CAP1: variants seen among roughly 807,000 people sequenced by gnomAD.
CAP1 encodes the protein cyclase associated actin cytoskeleton regulatory protein 1.
In CAP1, 11 loss-of-function variants were observed where a neutral mutation model predicts 58.2. That is an observed-to-expected ratio of 0.19 (90% CI 0.12 to 0.31). The LOEUF (loss-of-function observed/expected upper bound fraction) is 0.31, where lower values mean the gene tolerates loss of function less well. Ranked by LOEUF, CAP1 falls within the 10% of genes least tolerant of loss-of-function variation. The pLI is 1.00. For synonymous variants in CAP1, 183 were observed against 213.8 expected (o/e 0.86, Z 1.26); for missense variants, 423 against 587.5 (o/e 0.72, Z 2.89).
chr1:40,064,923 C>T (rs1487798843), intron 6 of CAP1, among the ~76,000 whole-genome samples: 1 of 152,146 alleles, frequency 6.6e-6, no homozygotes, highest in Non-Finnish European at 1.5e-5. Flanking sequence ...TGGAGTAGCA[C>T]TTTGGAGTTA....
chr1:40,069,954 G>T, intron 9 of CAP1, 80 bp downstream of exon 9: 1 of 1,448,714 alleles, frequency 6.9e-7, no homozygotes, highest in Non-Finnish European at 9.2e-7. Flanking sequence ...TTGTCGCCCA[G>T]GCTGGAGTGC....
intron 1 of CAP1, among the ~76,000 whole-genome samples, chr1:40,046,072 C>A (rs956406049): frequency 6.6e-6 from 1 of 152,202 alleles, no homozygotes; most frequent in African/African-American, 2.4e-5. Flanking sequence ...ATTTCCCTCT[C>A]TATTGAAAAT....
Position 40,070,962 on chromosome 1 carries a change from A to G in CAP1, c.1327A>G (p.Thr443Ala). The G allele has an allele frequency of 3.7e-6, 6 of 1,612,394 alleles. No individual in the cohort carries two copies. Among genetic ancestry groups the G allele is most frequent in the Non-Finnish European group, 5.1e-6 (6 of 1,179,466 alleles). The change falls in exon 12 of 13, where the codon ACA becomes GCA. Residue 443 changes from threonine to alanine, a missense_variant. Coordinates refer to ENST00000372805, the MANE Select transcript of CAP1 (RefSeq NM_006367.4). ...TTCCGAGATGAATGTCCTCATTCCT[A>G]CAGAAGGCGGTGACTTTGTAAGTTT... ...KSSEMNVLIP[T>A]EGGDFNEFPV... is the part of the protein sequence containing the mutation.
At chr1:40,042,074 G>T (rs997675849) in intron 1 of CAP1, among the ~76,000 whole-genome samples, 64 of 152,054 alleles carry the variant, frequency 4.2e-4, no homozygotes, top group African/African-American at 1.5e-3. Context: ...ATGGGGTTTC[G>T]CCGTGAAGGC....
At chr1:40,044,629 CCTTAT>C (rs1645995952) in intron 1 of CAP1, among the ~76,000 whole-genome samples, 1 of 151,726 alleles carries the variant, frequency 6.6e-6, no homozygotes, top group African/African-American at 2.4e-5. Context: ...CAGTTTAGAC[CCTTAT>C]CTTAATTTTT....
At chr1:40,045,207 C>T (rs1646036216) in intron 1 of CAP1, among the ~76,000 whole-genome samples, 1 of 152,136 alleles carries the variant, frequency 6.6e-6, no homozygotes, top group Admixed American at 6.6e-5. Context: ...TCAGACATTG[C>T]CATATGTCTC....
Position 40,052,923 on chromosome 1 carries a change from T to C in CAP1, c.-10-6414T>C, listed in dbSNP as rs940464170. Among the ~76,000 whole-genome samples, 5 of 147,160 alleles carry C rather than the reference T, an allele frequency of 3.4e-5. 1 individual carries two copies. Among genetic ancestry groups the C allele is most frequent in the African/African-American group, 1.3e-4 (5 of 39,488 alleles). On this transcript the variant is annotated intron_variant, in intron 1 of 12. Coordinates refer to ENST00000372805, the MANE Select transcript of CAP1 (RefSeq NM_006367.4). ...GGCTAACACGGTGAAACCCCGTCTC[T>C]AATAAAAATACAAAAAATTGGCCAG...
rs373201437 is a variant in CAP1, at chr1:40,070,535, T to C, written c.1200+23T>C. ...CAGGTAACTCGATATTTTGGCTCCT[T>C]CTTTTTGTCCCTGAGGAATTAATTC... On this transcript the variant is annotated intron_variant, in intron 11 of 12. Coordinates refer to ENST00000372805, the MANE Select transcript of CAP1 (RefSeq NM_006367.4). The C allele has an allele frequency of 2.6e-6, 4 of 1,564,090 alleles. No homozygotes were observed. In the South Asian group the frequency reaches 3.3e-5, roughly 13 times the overall value.
intron 6 of CAP1, 102 bp from the exon 7 acceptor site, chr1:40,066,113 C>T (rs556623135): frequency 5.3e-4 from 363 of 690,736 alleles, no homozygotes; most frequent in Middle Eastern, 3.6e-3. Flanking sequence ...CTAAGAAACA[C>T]CACGGGTAGG....
chr1:40,043,715 A>G (rs1278209112), intron 1 of CAP1, among the ~76,000 whole-genome samples: 1 of 151,990 alleles, frequency 6.6e-6, no homozygotes, highest in Non-Finnish European at 1.5e-5. Flanking sequence ...CATCACTACT[A>G]AAAATACAAA....
At chr1:40,058,294 C>T (rs1356595103) in intron 1 of CAP1, among the ~76,000 whole-genome samples, 1 of 152,176 alleles carries the variant, frequency 6.6e-6, no homozygotes, top group African/African-American at 2.4e-5. Flanking sequence ...TTATCTGATC[C>T]TTCCAGCTGA....
intron 1 of CAP1, among the ~76,000 whole-genome samples, chr1:40,042,519 T>A (rs1292132542): frequency 6.6e-6 from 1 of 152,274 alleles, no homozygotes; most frequent in East Asian, 1.9e-4. Context: ...ACGAGTTCAG[T>A]GTGACTGGAA....
intron 1 of CAP1, among the ~76,000 whole-genome samples, chr1:40,046,877 A>C (rs1646132581): frequency 6.6e-6 from 1 of 151,794 alleles, no homozygotes. Flanking sequence ...GGTTCAAGCA[A>C]TTCTTCTGCC....
At position 40,072,536 on chromosome 1, in the gene CAP1, G is replaced by C. The variant is rs1052561330; in HGVS notation, c.*1003G>C. The C allele has an allele frequency of 7.1e-5, 11 of 154,360 alleles. No homozygotes were observed. Among genetic ancestry groups the C allele is most frequent in the African/African-American group, 2.6e-4 (11 of 41,576 alleles). 9.6% of individuals were successfully genotyped at this position (154,360 alleles called of 1,614,324 possible). ...TTACCAAAATATGCAACTTTTTTTT[G>C]GTGGGAAGAGAGATTGTCCTGTGAT... On this transcript the variant is annotated 3_prime_UTR_variant, in exon 13 of 13. Transcript: ENST00000372805.
At position 40,066,667 on chromosome 1, in the gene CAP1, T is replaced by C. The variant is rs538425311; in HGVS notation, c.630+347T>C. 2.6e-5 allele frequency among the ~76,000 whole-genome samples: 4 copies of C among 152,316 alleles called. No individual in the cohort carries two copies. The East Asian group carries it at 7.7e-4, about 29-fold the overall frequency. On this transcript the variant is annotated intron_variant, in intron 7 of 12. Transcript: ENST00000372805. ...ATACAAATCACCAAGCCAAATGCTA[T>C]AATAAAGATACAGACTAGAGTATGA...
chr1:40,071,778 A>G lies in CAP1; in HGVS notation c.*245A>G, dbSNP rs1335801949. 2 of 546,628 alleles carry G rather than the reference A, an allele frequency of 3.7e-6. No homozygotes were observed. Among genetic ancestry groups the G allele is most frequent in the Admixed American group, 3.4e-5 (1 of 29,452 alleles). The allele number at this position is 546,628 out of a possible 1,614,324, so 33.9% of individuals were successfully genotyped here. A position where few individuals can be genotyped will look rare whatever the true frequency, so the allele number is the denominator to read the frequency against. On this transcript the variant is annotated 3_prime_UTR_variant, in exon 13 of 13. Coordinates refer to ENST00000372805, the MANE Select transcript of CAP1 (RefSeq NM_006367.4). ...ATCAGCTCAACCACGCCGCCAGTCC[A>G]TTCTTAAGGAACTGCCGACTAGGAC...
At chr1:40,043,300 G>A (rs1342956627) in intron 1 of CAP1, among the ~76,000 whole-genome samples, 2 of 152,032 alleles carry the variant, frequency 1.3e-5, no homozygotes, top group African/African-American at 4.8e-5. Context: ...CAGGTTCAAG[G>A]AATTCTCCTG....
chr1:40,061,898 A>T, intron 4 of CAP1, 86 bp downstream of exon 4: 1 of 1,013,250 alleles, frequency 9.9e-7, no homozygotes, highest in Non-Finnish European at 1.6e-6. Context: ...AACATTTTAA[A>T]ATAGACCTAC....
chr1:40,070,594 G>GA, intron 11 of CAP1, 82 bp downstream of exon 11: 1 of 1,188,678 alleles, frequency 8.4e-7, no homozygotes, highest in South Asian at 1.2e-5. Flanking sequence ...ATGTTGCTTT[G>GA]GTGGGAATCT....
Sources: allele counts gnomAD v4.1 joint callset (sites outside exome capture counted in the v4.1 genomes callset), GRCh38; gene constraint gnomAD v4.1.1; transcripts MANE v1.5; gene names NCBI Gene and HGNC (gene_info 2026-07-23, HGNC 2026-07-21).